The following KCNH8 variants were observed in gnomAD, a reference collection of about 807,000 sequenced individuals.
KCNH8 encodes potassium voltage-gated channel subfamily H member 8, also known as voltage-gated delayed rectifier potassium channel KCNH8.
Under a neutral mutation model 103.6 loss-of-function variants are expected in KCNH8, and 70 were observed. The ratio of observed to expected loss-of-function variants is 0.68; its 90% CI spans 0.56 to 0.82. KCNH8 has a LOEUF of 0.82. KCNH8 is among the 40% of genes least tolerant of loss of function. KCNH8 has a pLI of 0.00. For missense variants in KCNH8, 1,217 were observed against 1,329.9 expected (o/e 0.92, Z 1.32); for synonymous variants, 498 against 489.4 (o/e 1.02, Z -0.23).
At chr3:19,435,964 A>C (rs1211923199) in intron 7 of KCNH8, among the ~76,000 whole-genome samples, 2 of 152,304 alleles carry the variant, frequency 1.3e-5, no homozygotes, top group Non-Finnish European at 2.9e-5. Flanking sequence ...AGGAAATCTA[A>C]AGAGTAAAAT....
At chr3:19,234,600 C>T (rs2064038900) in intron 1 of KCNH8, among the ~76,000 whole-genome samples, 2 of 148,756 alleles carry the variant, frequency 1.3e-5, no homozygotes, top group Non-Finnish European at 3.0e-5. Context: ...GTCCGCAGGC[C>T]CGGTTCCCGC....
intron 15 of KCNH8, 73 bp from the exon 16 acceptor site, chr3:19,533,322 C>A: frequency 2.3e-6 from 2 of 884,638 alleles, no homozygotes; most frequent in African/African-American, 1.6e-5. Context: ...CACTTCCCTG[C>A]TTCATTTCTC....
chr3:19,339,618 G>C (rs965705823), intron 3 of KCNH8, among the ~76,000 whole-genome samples: 4 of 152,152 alleles, frequency 2.6e-5, no homozygotes, highest in Non-Finnish European at 5.9e-5. Flanking sequence ...ATATTATTCT[G>C]AGTGTTTTAA....
At chr3:19,223,791 C>T (rs2063900501) in intron 1 of KCNH8, among the ~76,000 whole-genome samples, 1 of 152,074 alleles carries the variant, frequency 6.6e-6, no homozygotes, top group East Asian at 1.9e-4. Context: ...ACACCACTTG[C>T]CATTTTCTTC....
chr3:19,247,671 A>G (rs2064223663), intron 1 of KCNH8, among the ~76,000 whole-genome samples: 1 of 152,348 alleles, frequency 6.6e-6, no homozygotes, highest in South Asian at 2.1e-4. Flanking sequence ...AAAGAGAACC[A>G]ATATCAAAGA....
chr3:19,448,261 T>A (rs1306567072), intron 8 of KCNH8, among the ~76,000 whole-genome samples: 1 of 152,026 alleles, frequency 6.6e-6, no homozygotes, highest in African/African-American at 2.4e-5. Flanking sequence ...AAAGGAATTA[T>A]GTAACCTACC....
chr3:19,432,484 T>A (rs2067138212), intron 7 of KCNH8, among the ~76,000 whole-genome samples: 1 of 152,172 alleles, frequency 6.6e-6, no homozygotes, highest in Admixed American at 6.5e-5. Context: ...CTTTAGCATA[T>A]CAATAATAAA....
chr3:19,419,281 G>A (rs1158284207), intron 7 of KCNH8, among the ~76,000 whole-genome samples: 2 of 141,200 alleles, frequency 1.4e-5, no homozygotes, highest in African/African-American at 2.6e-5. Context: ...CTCACTGCAA[G>A]CTCTGCCTCC....
At chr3:19,313,947 C>T (rs1254528201) in intron 3 of KCNH8, among the ~76,000 whole-genome samples, 1 of 151,786 alleles carries the variant, frequency 6.6e-6, no homozygotes, top group Non-Finnish European at 1.5e-5. Context: ...TTTGATGTTA[C>T]ATAATGGTGA....
chr3:19,281,331 T>A lies in KCNH8; in HGVS notation c.442+2T>A. 1 of 1,583,678 alleles carries A rather than the reference T, an allele frequency of 6.3e-7. No individual in the cohort carries two copies. Among genetic ancestry groups the A allele is most frequent in the Non-Finnish European group, 8.5e-7 (1 of 1,170,078 alleles). Reference sequence around the variant, plus strand: ...TTACTCCAGAAGATAAAAAAGAAGGTTTGTACCGTTTTCAGAAAACATTGA... The same window carrying A: ...TTACTCCAGAAGATAAAAAAGAAGGATTGTACCGTTTTCAGAAAACATTGA... On this transcript the variant is annotated splice_donor_variant, in intron 3 of 15. Coordinates refer to ENST00000328405, the MANE Select transcript of KCNH8 (RefSeq NM_144633.3). LOFTEE classifies it high-confidence loss of function.
chr3:19,364,615 T>A (rs2065987620), intron 5 of KCNH8, among the ~76,000 whole-genome samples: 1 of 152,022 alleles, frequency 6.6e-6, no homozygotes, highest in African/African-American at 2.4e-5. Context: ...CACTTCAGAT[T>A]CCCAGTGAGG....
At chr3:19,157,504 T>G (rs2063192090) in intron 1 of KCNH8, among the ~76,000 whole-genome samples, 2 of 152,082 alleles carry the variant, frequency 1.3e-5, no homozygotes, top group African/African-American at 4.8e-5. Flanking sequence ...AATTTAGGCC[T>G]CTTGTTTAGC....
intron 1 of KCNH8, among the ~76,000 whole-genome samples, chr3:19,195,108 C>T: frequency 6.6e-6 from 1 of 151,684 alleles, no homozygotes; most frequent in Non-Finnish European, 1.5e-5. Flanking sequence ...TTTCCCTGAC[C>T]CTCAGCTATA....
intron 1 of KCNH8, among the ~76,000 whole-genome samples, chr3:19,164,588 G>T (rs2063264383): frequency 6.6e-6 from 1 of 152,114 alleles, no homozygotes; most frequent in South Asian, 2.1e-4. Context: ...ACAATAGCAG[G>T]CCCTGTTTAA....
intron 11 of KCNH8, among the ~76,000 whole-genome samples, chr3:19,470,579 T>C (rs1013062435): frequency 2.6e-5 from 4 of 152,126 alleles, no homozygotes; most frequent in African/African-American, 9.7e-5. Flanking sequence ...CTAATTATTG[T>C]GAATGGCAGA....
chr3:19,453,825 C>T (rs975174992), intron 10 of KCNH8, among the ~76,000 whole-genome samples: 1 of 152,110 alleles, frequency 6.6e-6, no homozygotes, highest in Non-Finnish European at 1.5e-5. Context: ...ATAAGCTACC[C>T]AGTTTACAGT....
intron 3 of KCNH8, among the ~76,000 whole-genome samples, chr3:19,296,620 C>G (rs1260489325): frequency 6.6e-6 from 1 of 152,086 alleles, no homozygotes; most frequent in East Asian, 1.9e-4. Flanking sequence ...ATTCAGAAGT[C>G]TTATGGTTAT....
At chr3:19,285,164 T>A (rs1351740520) in intron 3 of KCNH8, among the ~76,000 whole-genome samples, 1 of 151,764 alleles carries the variant, frequency 6.6e-6, no homozygotes, top group Non-Finnish European at 1.5e-5. Flanking sequence ...TTAATTAAAT[T>A]CATTTTAAAA....
intron 7 of KCNH8, among the ~76,000 whole-genome samples, chr3:19,397,519 ACG>A (rs2066538759): frequency 6.7e-6 from 1 of 150,258 alleles, no homozygotes; most frequent in Non-Finnish European, 1.5e-5. Context: ...ACATATATAT[ACG>A]TGTGTATATA....
Sources: allele counts gnomAD v4.1 joint callset (sites outside exome capture counted in the v4.1 genomes callset), GRCh38; gene constraint gnomAD v4.1.1; transcripts MANE v1.5; gene names NCBI Gene and HGNC (gene_info 2026-07-23, HGNC 2026-07-21).